The following DOCK2 variants were observed in gnomAD, a reference collection of about 807,000 sequenced individuals.
DOCK2 encodes the protein dedicator of cytokinesis 2.
DOCK2 carries 87 observed loss-of-function variants against 248.9 expected under a neutral mutation model. The observed-to-expected ratio is 0.35, with a 90% CI of 0.29 to 0.42. The LOEUF (loss-of-function observed/expected upper bound fraction) is 0.42, where lower values mean the gene tolerates loss of function less well. DOCK2 is among the 10% of genes least tolerant of loss of function. DOCK2 has a pLI of 1.00. For synonymous variants in DOCK2, 805 were observed against 821.6 expected (o/e 0.98, Z 0.35); for missense variants, 1,747 against 2,300.2 (o/e 0.76, Z 4.92).
chr5:169,723,154 T>A (rs952693686), intron 22 of DOCK2, among the ~76,000 whole-genome samples: 1 of 152,108 alleles, frequency 6.6e-6, no homozygotes, highest in Non-Finnish European at 1.5e-5. Context: ...CTTGCTTCCT[T>A]CCCCATCTCC....
intron 27 of DOCK2, among the ~76,000 whole-genome samples, chr5:169,925,958 T>G (rs1775428872): frequency 1.3e-5 from 2 of 152,150 alleles, no homozygotes; most frequent in South Asian, 4.1e-4. Context: ...TTTGTGAGTA[T>G]CATCTCTGAG....
At chr5:169,798,256 T>C (rs1214935261) in intron 25 of DOCK2, among the ~76,000 whole-genome samples, 1 of 152,346 alleles carries the variant, frequency 6.6e-6, no homozygotes, top group South Asian at 2.1e-4. Flanking sequence ...ATTTTGCATG[T>C]GGCCTTAATA....
At chr5:169,891,526 T>C (rs770725399) in intron 27 of DOCK2, among the ~76,000 whole-genome samples, 1 of 152,150 alleles carries the variant, frequency 6.6e-6, no homozygotes, top group Non-Finnish European at 1.5e-5. Flanking sequence ...TTAAGCACAA[T>C]TCCAATATCT....
At chr5:170,070,276 C>A (rs1757638153) in intron 46 of DOCK2, among the ~76,000 whole-genome samples, 1 of 152,250 alleles carries the variant, frequency 6.6e-6, no homozygotes, top group African/African-American at 2.4e-5. Context: ...CAAAGAAAAG[C>A]AAGCTTTTGT....
At chr5:169,772,213 T>C (rs1765126315) in intron 25 of DOCK2, among the ~76,000 whole-genome samples, 1 of 152,218 alleles carries the variant, frequency 6.6e-6, no homozygotes, top group African/African-American at 2.4e-5. Flanking sequence ...GAGTAGCCTC[T>C]CCTCCTCCAG....
intron 1 of DOCK2, among the ~76,000 whole-genome samples, chr5:169,638,326 G>T (rs373131856): frequency 1.3e-5 from 2 of 152,062 alleles, no homozygotes; most frequent in African/African-American, 4.8e-5. Context: ...ACTGGGTACC[G>T]GGCACTGTGG....
In DOCK2 at chr5:170,055,433, T is replaced by C. The variant is rs113009742; in HGVS notation, c.4295+47T>C. On this transcript the variant is annotated intron_variant, in intron 42 of 51. Coordinates refer to ENST00000520908, the MANE Select transcript of DOCK2 (RefSeq NM_004946.3). ...GAAGAAGGATGGGGAAGAGAACCCA[T>C]TGGGGCCACCAAACTGAGCTGGTGG... 6,528 of 1,575,512 alleles carry C rather than the reference T, an allele frequency of 4.1e-3. 109 individuals are homozygous for C. The highest frequency in any genetic ancestry group is 0.04 in the African/African-American group (3,007 of 74,282).
chr5:169,731,345 G>A (rs762220927), intron 22 of DOCK2, among the ~76,000 whole-genome samples: 19 of 152,156 alleles, frequency 1.2e-4, no homozygotes, highest in Non-Finnish European at 1.2e-4. Flanking sequence ...CTGTTCTCAT[G>A]ATAGTGAATG....
intron 1 of DOCK2, among the ~76,000 whole-genome samples, chr5:169,645,720 C>T (rs780304609): frequency 9.2e-5 from 14 of 151,974 alleles, no homozygotes; most frequent in Non-Finnish European, 1.6e-4. Flanking sequence ...TTGGTATTGC[C>T]TAGGTTTTCT....
chr5:170,062,451 T>A (rs958337959), intron 44 of DOCK2, among the ~76,000 whole-genome samples: 2 of 151,992 alleles, frequency 1.3e-5, no homozygotes, highest in Non-Finnish European at 2.9e-5. Flanking sequence ...TGAACCGATA[T>A]GAAAAGCTGA....
At chr5:170,048,520 G>A (rs1756796798) in intron 40 of DOCK2, among the ~76,000 whole-genome samples, 1 of 152,198 alleles carries the variant, frequency 6.6e-6, no homozygotes, top group South Asian at 2.1e-4. Context: ...TCATGAGATT[G>A]CTTCACATTT....
chr5:169,792,891 C>T (rs1209175080), intron 25 of DOCK2, among the ~76,000 whole-genome samples: 1 of 152,094 alleles, frequency 6.6e-6, no homozygotes, highest in Non-Finnish European at 1.5e-5. Flanking sequence ...TTTTATTTTT[C>T]CCAAAGCATT....
intron 27 of DOCK2, chr5:169,841,562 A>C: frequency 1.6e-6 from 1 of 640,888 alleles, no homozygotes; most frequent in South Asian, 7.0e-5. Context: ...TCAGAATAAA[A>C]TCCAAACATT....
intron 27 of DOCK2, among the ~76,000 whole-genome samples, chr5:169,885,707 G>A (rs995648142): frequency 1.2e-4 from 19 of 152,200 alleles, no homozygotes; most frequent in African/African-American, 3.9e-4. Flanking sequence ...TGTTCTAAGC[G>A]CTTTCCAAGC....
At chr5:169,910,073 G>T (rs1285714320) in intron 27 of DOCK2, among the ~76,000 whole-genome samples, 1 of 152,056 alleles carries the variant, frequency 6.6e-6, no homozygotes, top group East Asian at 1.9e-4. Flanking sequence ...TACTCTGAAT[G>T]GCACCAAAGC....
chr5:169,744,280 T>C (rs1279499336), intron 22 of DOCK2, among the ~76,000 whole-genome samples: 1 of 152,204 alleles, frequency 6.6e-6, no homozygotes, highest in African/African-American at 2.4e-5. Context: ...TCCTACAAAA[T>C]TTAAAGTTGA....
At chr5:170,008,343 A>G (rs1419288523) in intron 30 of DOCK2, among the ~76,000 whole-genome samples, 154 bp from the exon 31 acceptor site, 1 of 152,304 alleles carries the variant, frequency 6.6e-6, no homozygotes, top group African/African-American at 2.4e-5. Flanking sequence ...TGTTAATTTC[A>G]GAGTCAGTGC....
chr5:169,768,872 A>T (rs1764934428), intron 25 of DOCK2, among the ~76,000 whole-genome samples: 1 of 152,102 alleles, frequency 6.6e-6, no homozygotes, highest in African/African-American at 2.4e-5. Context: ...ACTGCCTCCC[A>T]TTCCCTACCT....
intron 25 of DOCK2, among the ~76,000 whole-genome samples, chr5:169,788,878 G>T (rs1766149932): frequency 6.6e-6 from 1 of 151,986 alleles, no homozygotes; most frequent in Non-Finnish European, 1.5e-5. Context: ...TCCATGTGCG[G>T]GTTTGTTATA....
Sources: allele counts gnomAD v4.1 joint callset (sites outside exome capture counted in the v4.1 genomes callset), GRCh38; gene constraint gnomAD v4.1.1; transcripts MANE v1.5; gene names NCBI Gene and HGNC (gene_info 2026-07-23, HGNC 2026-07-21).